Variants in ARHGEF17 observed in about 807,000 individuals in gnomAD.
The protein encoded by ARHGEF17 is 164 kDa Rho-specific guanine-nucleotide exchange factor.
In ARHGEF17, 80 loss-of-function variants were observed where a neutral mutation model predicts 174.0. The observed-to-expected ratio is 0.46, with a 90% CI of 0.38 to 0.55. The LOEUF (loss-of-function observed/expected upper bound fraction) is 0.55. ARHGEF17 is among the 20% of genes least tolerant of loss of function. The pLI, the probability that ARHGEF17 is intolerant of heterozygous loss-of-function variation, is 0.00. For synonymous variants in ARHGEF17, 1,311 were observed against 1,189.1 expected (o/e 1.10, Z -2.11); for missense variants, 2,886 against 2,839.7 (o/e 1.02, Z -0.37).
chr11:73,351,445 G>A (rs749354196), intron 2 of ARHGEF17, among the ~76,000 whole-genome samples: 2 of 152,082 alleles, frequency 1.3e-5, no homozygotes, highest in African/African-American at 4.8e-5. Context: ...TAGATTTGAC[G>A]TAAAATAACG....
intron 1 of ARHGEF17, among the ~76,000 whole-genome samples, chr11:73,335,712 C>T (rs1235043547): frequency 6.6e-6 from 1 of 152,158 alleles, no homozygotes; most frequent in Admixed American, 6.5e-5. Context: ...AATCCTGAAG[C>T]CTGAAATCAG....
At position 73,365,368 on chromosome 11, in the gene ARHGEF17, T is replaced by C; in HGVS notation, c.5551-22T>C. On this transcript the variant is annotated intron_variant, in intron 18 of 20. Coordinates refer to ENST00000263674, the MANE Select transcript of ARHGEF17 (RefSeq NM_014786.4). The surrounding 1 kb of genome is among the most constrained non-coding windows in gnomAD (Gnocchi z 4.9). ...GGGAGGCAGGCCTGCCAATGACCCA[T>C]CTTCTCCCCCGCCTTCCCCAGCACA... 1 of 1,613,196 alleles carries C rather than the reference T, an allele frequency of 6.2e-7. No individual in the cohort carries two copies. Among genetic ancestry groups the C allele is most frequent in the Non-Finnish European group, 8.5e-7 (1 of 1,179,726 alleles).
At position 73,351,974 on chromosome 11, in the gene ARHGEF17, T is replaced by G. The variant is rs142791795; in HGVS notation, c.3271-856T>G. Among the ~76,000 whole-genome samples the G allele has an allele frequency of 6.1e-3, 929 of 152,314 alleles. 9 individuals carry two copies. Among genetic ancestry groups the G allele is most frequent in the Middle Eastern group, 0.027 (8 of 294 alleles). On this transcript the variant is annotated intron_variant, in intron 2 of 20. Coordinates refer to ENST00000263674, the MANE Select transcript of ARHGEF17 (RefSeq NM_014786.4). ...GCGTTTTAATATCCCTAAATCAGGGTTCATTCTATAATTGGTAGCATATCA... is the reference window on the plus strand; with the variant it reads ...GCGTTTTAATATCCCTAAATCAGGGGTCATTCTATAATTGGTAGCATATCA...
chr11:73,335,727 G>T (rs928121964), intron 1 of ARHGEF17, among the ~76,000 whole-genome samples: 2 of 152,166 alleles, frequency 1.3e-5, no homozygotes, highest in African/African-American at 4.8e-5. Context: ...AATCAGGAAG[G>T]AAGGTCAAGC....
rs1352030486 is a variant in ARHGEF17 at position 73,308,853 on chromosome 11, C to A, written c.215C>A (p.Pro72Gln). The change falls in exon 1 of 21, where the codon CCG becomes CAG. Residue 72 changes from proline (P) to glutamine (Q), a missense_variant. By Grantham distance (76) the Pro-to-Gln change is moderately conservative. Around this residue, in one of 4 missense-constraint regions of ARHGEF17, gnomAD observed 1,728 missense variants for 1,461.2 expected, o/e 1.18. Transcript: ENST00000263674. ...GGGCCCCTGGCCGCCCCCGCGCAGCCGCGCCCGCTCCGCAGCCTCTCGCCG... is the reference window on the plus strand; with the variant it reads ...GGGCCCCTGGCCGCCCCCGCGCAGCAGCGCCCGCTCCGCAGCCTCTCGCCG... Reference protein sequence around the residue: ...ASGPLAAPAQPRPLRSLSPSV... With the variant: ...ASGPLAAPAQQRPLRSLSPSV... The A allele has an allele frequency of 1.5e-6, 2 of 1,342,436 alleles. No homozygotes were observed. Among genetic ancestry groups the A allele is most frequent in the Non-Finnish European group, 1.9e-6 (2 of 1,053,992 alleles). The allele number at this position is 1,342,436 out of a possible 1,614,324, so 83.2% of individuals were successfully genotyped here.
Position 73,326,634 on chromosome 11 carries a change from C to T in ARHGEF17, c.3192+14804C>T, listed in dbSNP as rs142257834. Among the ~76,000 whole-genome samples, 50 of 152,240 alleles carry T rather than the reference C, an allele frequency of 3.3e-4. 1 individual carries two copies. Among genetic ancestry groups the T allele is most frequent in the Middle Eastern group, 3.4e-3 (1 of 294 alleles). On this transcript the variant is annotated intron_variant, in intron 1 of 20. Coordinates refer to ENST00000263674, the MANE Select transcript of ARHGEF17 (RefSeq NM_014786.4). ...ACTCGGGAGGCTGAGGCAGGAGAAT[C>T]GCTTGAACCCAGGAGGTAGAGGTTG... is the stretch of plus-strand genomic sequence containing the variant.
intron 1 of ARHGEF17, among the ~76,000 whole-genome samples, chr11:73,333,578 T>C (rs1030427737): frequency 6.6e-6 from 1 of 152,108 alleles, no homozygotes; most frequent in Non-Finnish European, 1.5e-5. Context: ...GCTTGCCTGG[T>C]GTGATGGGAG....
intron 7 of ARHGEF17, 80 bp from the exon 8 acceptor site, chr11:73,356,945 G>A: frequency 6.6e-7 from 1 of 1,521,490 alleles, no homozygotes; most frequent in Non-Finnish European, 9.1e-7. Flanking sequence ...GGGTCTCAGT[G>A]TCCCCTTGGG....
chr11:73,326,275 C>T (rs1472165785), intron 1 of ARHGEF17, among the ~76,000 whole-genome samples: 1 of 152,146 alleles, frequency 6.6e-6, no homozygotes, highest in African/African-American at 2.4e-5. Context: ...CAAGGCCCTT[C>T]AGGGAGAGAG....
At chr11:73,315,356 A>T (rs189879003) in intron 1 of ARHGEF17, among the ~76,000 whole-genome samples, 1 of 152,198 alleles carries the variant, frequency 6.6e-6, no homozygotes, top group Non-Finnish European at 1.5e-5. Context: ...GGGCAGAACC[A>T]GGCCCATGCA....
At position 73,352,801 on chromosome 11, in the gene ARHGEF17, A is replaced by T. The variant is rs1865576487; in HGVS notation, c.3271-29A>T. On this transcript the variant is annotated intron_variant, in intron 2 of 20. Transcript: ENST00000263674. ...GTGGTGGGGGCGGCATCTCTGAGGGAGTGTGCACCGACCCTGTGGGTCCTT... is the reference window on the plus strand; with the variant it reads ...GTGGTGGGGGCGGCATCTCTGAGGGTGTGTGCACCGACCCTGTGGGTCCTT... The T allele has an allele frequency of 2.5e-6, 4 of 1,612,568 alleles. No homozygotes were observed. In the African/African-American group the frequency reaches 5.3e-5, roughly 22 times the overall value.
At chr11:73,350,747 C>A (rs1865539999) in intron 2 of ARHGEF17, among the ~76,000 whole-genome samples, 1 of 152,220 alleles carries the variant, frequency 6.6e-6, no homozygotes, top group Non-Finnish European at 1.5e-5. Context: ...AACAAACGCC[C>A]CTTCCCCTGA....
In ARHGEF17 at chr11:73,346,869, T is replaced by G; in HGVS notation, c.3193-14T>G. ...AAAAAGACCCCTGTTCACCCTCTGC[T>G]CCTGTCCCCACAGGACATGCGGAAG... is the stretch of plus-strand genomic sequence containing the variant. On this transcript the variant is annotated splice_polypyrimidine_tract_variant and intron_variant, in intron 1 of 20. Coordinates refer to ENST00000263674, the MANE Select transcript of ARHGEF17 (RefSeq NM_014786.4). The G allele has an allele frequency of 6.8e-7, 1 of 1,469,516 alleles. No homozygotes were observed. The highest frequency in any genetic ancestry group is 1.4e-5 in the African/African-American group (1 of 69,550). The allele number at this position is 1,469,516 out of a possible 1,614,324, so 91.0% of individuals were successfully genotyped here.
chr11:73,348,119 G>A (rs1173609965), intron 2 of ARHGEF17, among the ~76,000 whole-genome samples: 1 of 152,166 alleles, frequency 6.6e-6, no homozygotes, highest in Non-Finnish European at 1.5e-5. Context: ...AGTCACCATT[G>A]AGGATGAATT....
At chr11:73,343,179 A>G in intron 1 of ARHGEF17, 1 of 387,762 alleles carries the variant, frequency 2.6e-6, no homozygotes, top group Non-Finnish European at 4.6e-6. Context: ...CCAGTTCACC[A>G]TCGCGCTGGA....
intron 1 of ARHGEF17, among the ~76,000 whole-genome samples, chr11:73,338,865 G>A (rs1410688261): frequency 3.9e-5 from 6 of 152,086 alleles, no homozygotes; most frequent in African/African-American, 1.4e-4. Context: ...TTGTAAGAAG[G>A]GAGAGTAATA....
At position 73,362,518 on chromosome 11, in the gene ARHGEF17, G is replaced by A. The variant is rs763607293; in HGVS notation, c.4780G>A (p.Glu1594Lys). ...GCTGGACGTCGAGGCCGCTGCAGAC[G>A]AGGAAGCCGCGACGCTCGCGGAGCC... ...PELDVEAAAD[E>K]EAATLAEPGP... The change falls in exon 14 of 21, where the codon GAG (glutamate) becomes AAG (lysine). Residue 1594 changes from glutamate (E) to lysine (K), a missense_variant. By Grantham distance (56) the Glu-to-Lys change is moderately conservative. This residue lies in a region of ARHGEF17 where 476 missense variants were observed against 473.1 expected (regional missense o/e 1.01). Coordinates refer to ENST00000263674, the MANE Select transcript of ARHGEF17 (RefSeq NM_014786.4). 1.9e-5 allele frequency: 31 copies of A among 1,604,972 alleles called. 1 individual carries two copies. Among genetic ancestry groups the A allele is most frequent in the South Asian group, 1.5e-4 (14 of 90,936 alleles).
chr11:73,346,422 T>G (rs1468033862), intron 1 of ARHGEF17, among the ~76,000 whole-genome samples: 1 of 152,164 alleles, frequency 6.6e-6, no homozygotes, highest in Non-Finnish European at 1.5e-5. Context: ...TGTCTACTCT[T>G]AGGGATGGTG....
chr11:73,308,827 T>C lies in ARHGEF17; in HGVS notation c.189T>C (p.Ser63=). Residue 63 remains serine, a synonymous_variant, in exon 1 of 21, where the codon TCT becomes TCC. Coordinates refer to ENST00000263674, the MANE Select transcript of ARHGEF17 (RefSeq NM_014786.4). Reference sequence around the variant, plus strand: ...CTCGGCGCGTGTCCAAGCTGGCGTCTGGGCCCCTGGCCGCCCCCGCGCAGC... The same window carrying C: ...CTCGGCGCGTGTCCAAGCTGGCGTCCGGGCCCCTGGCCGCCCCCGCGCAGC... ...QPSRRVSKLA[S]GPLAAPAQPR... The C allele has an allele frequency of 7.4e-7, 1 of 1,343,552 alleles. No homozygotes were observed. Among genetic ancestry groups the C allele is most frequent in the Non-Finnish European group, 9.5e-7 (1 of 1,054,224 alleles). The allele number at this position is 1,343,552 out of a possible 1,614,324, so 83.2% of individuals were successfully genotyped here. A position where few individuals can be genotyped will look rare whatever the true frequency, so the allele number is the denominator to read the frequency against.
Sources: allele counts gnomAD v4.1 joint callset (sites outside exome capture counted in the v4.1 genomes callset), GRCh38; gene constraint gnomAD v4.1.1; regional missense constraint gnomAD v4.1.1; non-coding constraint Gnocchi (gnomAD v3.1); transcripts MANE v1.5; gene names NCBI Gene and HGNC (gene_info 2026-07-23, HGNC 2026-07-21).